Variants in DCAF6 observed in about 807,000 individuals in gnomAD.
DCAF6 encodes DDB1- and CUL4-associated factor 6.
A neutral mutation model predicts 125.1 loss-of-function variants in DCAF6; 54 were observed. That is an observed-to-expected ratio of 0.43 (90% CI 0.35 to 0.54). DCAF6 has a LOEUF of 0.54. Among genes scored for constraint, DCAF6 ranks in the 20% least tolerant of loss-of-function variants. DCAF6 has a pLI of 0.01. For missense variants in DCAF6, 934 were observed against 1,161.7 expected, an observed-to-expected ratio of 0.80 and a Z score of 2.85; for synonymous variants, 371 against 390.4, an observed-to-expected ratio of 0.95 and a Z score of 0.58.
At chr1:167,959,718 G>T (rs1344873183) in intron 2 of DCAF6, among the ~76,000 whole-genome samples, 1 of 152,162 alleles carries the variant, frequency 6.6e-6, no homozygotes, top group Non-Finnish European at 1.5e-5. Flanking sequence ...TTTCTTAGAT[G>T]TTTCTTATTG....
At chr1:167,869,103 C>T in the DCAF6 span, among the ~76,000 whole-genome samples, 2 of 152,150 alleles carry the variant, frequency 1.3e-5, no homozygotes, top group African/African-American at 4.8e-5. Context: ...AAAAACATGA[C>T]AAAACTGGCA....
chr1:167,899,435 C>T, the DCAF6 span: 1 of 1,614,244 alleles, frequency 6.2e-7, no homozygotes, highest in Admixed American at 1.7e-5. Flanking sequence ...TAACTGCTCT[C>T]TGATCTGGAA....
At chr1:167,864,870 G>A in the DCAF6 span, among the ~76,000 whole-genome samples, 1 of 146,174 alleles carries the variant, frequency 6.8e-6, no homozygotes, top group Non-Finnish European at 1.5e-5. Flanking sequence ...CATTCAATCT[G>A]TAGCAGCAGC....
At chr1:168,071,183 A>C (rs781518233) in intron 21 of DCAF6, among the ~76,000 whole-genome samples, 12 of 152,246 alleles carry the variant, frequency 7.9e-5, no homozygotes, top group Non-Finnish European at 1.8e-4. Context: ...AAAACAGGTC[A>C]GTTAATTTTT....
At chr1:167,865,689 A>G in the DCAF6 span, among the ~76,000 whole-genome samples, 106 of 152,346 alleles carry the variant, frequency 7.0e-4, 1 homozygote, top group African/African-American at 2.1e-3. Context: ...GAAGTTAAAG[A>G]CTTAAAACAA....
intron 1 of DCAF6, among the ~76,000 whole-genome samples, chr1:167,938,172 G>T (rs1323160600): frequency 6.6e-6 from 1 of 152,092 alleles, no homozygotes; most frequent in Non-Finnish European, 1.5e-5. Flanking sequence ...GCCACCCTTA[G>T]AAATAATATT....
Position 167,974,296 on chromosome 1 carries a change from A to G in DCAF6, c.253-534A>G, listed in dbSNP as rs115171490. Reference sequence around the variant, plus strand: ...AGAATTAGTCCTTTATCTGCAACAAATTATACAAATATTAAAATATCAATT... The same window carrying G: ...AGAATTAGTCCTTTATCTGCAACAAGTTATACAAATATTAAAATATCAATT... On this transcript the variant is annotated intron_variant, in intron 3 of 21. Coordinates refer to ENST00000367840, the MANE Select transcript of DCAF6 (RefSeq NM_001198956.2). Among the ~76,000 whole-genome samples the G allele has an allele frequency of 4.8e-3, 731 of 152,260 alleles. 3 individuals carry two copies. Among genetic ancestry groups the G allele is most frequent in the African/African-American group, 0.017 (701 of 41,552 alleles).
At chr1:167,919,695 G>A in the DCAF6 span, among the ~76,000 whole-genome samples, 4 of 152,072 alleles carry the variant, frequency 2.6e-5, no homozygotes, top group Admixed American at 1.3e-4. Flanking sequence ...CCATCTAAAT[G>A]ATGCACAGTT....
At chr1:167,915,654 TTA>T in the DCAF6 span, among the ~76,000 whole-genome samples, 1 of 152,166 alleles carries the variant, frequency 6.6e-6, no homozygotes, top group African/African-American at 2.4e-5. Flanking sequence ...TTTCACCATG[TTA>T]GTCAGTCTTG....
chr1:167,989,108 T>A (rs1234351990), intron 5 of DCAF6, among the ~76,000 whole-genome samples: 2 of 152,086 alleles, frequency 1.3e-5, no homozygotes, highest in Non-Finnish European at 2.9e-5. Flanking sequence ...CAAAAAAACC[T>A]TTAAACATAC....
chr1:167,973,744 T>C (rs1358280848), intron 3 of DCAF6, among the ~76,000 whole-genome samples: 2 of 147,836 alleles, frequency 1.4e-5, no homozygotes, highest in Non-Finnish European at 3.0e-5. Flanking sequence ...GCACAACAGA[T>C]ATTCCCCACT....
intron 7 of DCAF6, among the ~76,000 whole-genome samples, chr1:168,002,246 G>C (rs902958130): frequency 6.6e-6 from 1 of 152,084 alleles, no homozygotes; most frequent in Non-Finnish European, 1.5e-5. Context: ...TTGCATTCAG[G>C]CTCTTTAGGT....
chr1:167,958,735 C>T (rs551722284), intron 2 of DCAF6, among the ~76,000 whole-genome samples: 2 of 152,120 alleles, frequency 1.3e-5, no homozygotes, highest in African/African-American at 2.4e-5. Context: ...TTTTTTAGAG[C>T]AGTTTTAGGT....
At chr1:168,017,145 G>A (rs1051930595) in intron 11 of DCAF6, among the ~76,000 whole-genome samples, 1 of 151,196 alleles carries the variant, frequency 6.6e-6, no homozygotes, top group African/African-American at 2.4e-5. Flanking sequence ...TTCCTATGGG[G>A]AAATATTTTC....
In DCAF6 at chr1:168,072,294, T is replaced by TAA. The variant is rs59674650; in HGVS notation, c.2792-3047_2792-3046dup. On this transcript the variant is annotated intron_variant, in intron 21 of 21. Transcript: ENST00000367840. ...CCTGGTGACAGAGGGAGAATCAGTC[T>TAA]AAAAAAAAAAAAAAAAAAAAAAAAA... 4.0e-3 allele frequency among the ~76,000 whole-genome samples: 162 copies of TAA among 40,998 alleles called. 7 individuals are homozygous for TAA. Among genetic ancestry groups the TAA allele is most frequent in the East Asian group, 0.01 (13 of 1,296 alleles). 26.9% of individuals were successfully genotyped at this position (40,998 alleles called of 152,430 possible).
chr1:167,928,742 C>T, the DCAF6 span, among the ~76,000 whole-genome samples: 1 of 152,148 alleles, frequency 6.6e-6, no homozygotes, highest in African/African-American at 2.4e-5. Context: ...AATTATGACA[C>T]GTGAAGTGAT....
At chr1:167,974,567 C>G (rs1390974596) in intron 3 of DCAF6, among the ~76,000 whole-genome samples, 1 of 152,020 alleles carries the variant, frequency 6.6e-6, no homozygotes, top group Non-Finnish European at 1.5e-5. Flanking sequence ...GTCAGATAAA[C>G]TAAATAAATG....
At chr1:167,888,861 G>C in the DCAF6 span, among the ~76,000 whole-genome samples, 2 of 132,990 alleles carry the variant, frequency 1.5e-5, no homozygotes, top group East Asian at 2.1e-4. Context: ...GGGCGAAAGA[G>C]GGAGACTCCG....
intron 17 of DCAF6, among the ~76,000 whole-genome samples, chr1:168,052,403 CA>C (rs1316041437): frequency 6.6e-6 from 1 of 152,118 alleles, no homozygotes; most frequent in Non-Finnish European, 1.5e-5. Flanking sequence ...AATGGTAAAG[CA>C]GAAAATGTAA....
Sources: allele counts gnomAD v4.1 joint callset (sites outside exome capture counted in the v4.1 genomes callset), GRCh38; gene constraint gnomAD v4.1.1; transcripts MANE v1.5; gene names NCBI Gene and HGNC (gene_info 2026-07-23, HGNC 2026-07-21).